Variants in TLR1 observed in about 807,000 individuals in gnomAD.
TLR1 encodes the protein toll-like receptor 1.
A neutral mutation model predicts 20.2 loss-of-function variants in TLR1; 19 were observed. The observed-to-expected ratio is 0.94, with a 90% confidence interval of 0.66 to 1.38. TLR1 has a LOEUF of 1.38. TLR1 is among the 40% of genes most tolerant of loss of function. TLR1 has a pLI of 0.00. For missense variants in TLR1, 921 were observed against 910.0 expected (o/e 1.01, Z -0.16); for synonymous variants, 320 against 334.5 (o/e 0.96, Z 0.47).
downstream of TLR1, among the ~76,000 whole-genome samples, chr4:38,787,991 T>A (rs558946976): frequency 6.6e-6 from 1 of 152,310 alleles, no homozygotes; most frequent in African/African-American, 2.4e-5. Context: ...CTGGGAATGG[T>A]CCTGTTGTAA....
At chr4:38,794,475 A>G (rs1015137828), downstream of TLR1, 3 of 152,150 alleles carry the variant, frequency 2.0e-5, no homozygotes, top group Non-Finnish European at 4.4e-5. Flanking sequence ...GTTGTTTTTC[A>G]TGAACCTCAC....
chr4:38,793,169 G>A (rs540038033), downstream of TLR1, among the ~76,000 whole-genome samples: 1 of 152,168 alleles, frequency 6.6e-6, no homozygotes, highest in Non-Finnish European at 1.5e-5. Context: ...TGGGTGGGGT[G>A]TGCTCCCTCT....
chr4:38,797,742 C>T lies in TLR1; in HGVS notation c.1090G>A (p.Val364Ile). 6.2e-7 allele frequency: 1 copy of T among 1,613,976 alleles called. No individual in the cohort carries two copies. Among genetic ancestry groups the T allele is most frequent in the East Asian group, 2.2e-5 (1 of 44,876 alleles). Residue 364 changes from valine (V) to isoleucine (I), a missense_variant, in exon 4 of 4, where the codon GTT becomes ATT. By Grantham distance (29) the Val-to-Ile change is conservative (BLOSUM62 3). Coordinates refer to ENST00000308979, the MANE Select transcript of TLR1 (RefSeq NM_003263.4). ...GTAAGGTGCCCACAATTTTCAAAAACCGTGTCTGTTAAGAGATTATTGGAA... is the reference window on the plus strand; with the variant it reads ...GTAAGGTGCCCACAATTTTCAAAAATCGTGTCTGTTAAGAGATTATTGGAA... ...DFSNNLLTDT[V>I]FENCGHLTEL...
Position 38,797,470 on chromosome 4 carries a change from G to A in TLR1, c.1362C>T (p.Ser454=). The stretch of plus-strand genomic sequence containing the variant: ...GTTTAGGAATGCTCTTTATTTTATT[G>A]CTGTGAAGATCAAGTACCTTGATCC... ...PPRIKVLDLH[S]NKIKSIPKQV... Residue 454 remains serine (S), a synonymous_variant, in exon 4 of 4, where the codon AGC becomes AGT. Coordinates refer to ENST00000308979, the MANE Select transcript of TLR1 (RefSeq NM_003263.4). 6.2e-7 allele frequency: 1 copy of A among 1,614,174 alleles called. No homozygotes were observed. The highest frequency in any genetic ancestry group is 8.5e-7 in the Non-Finnish European group (1 of 1,180,030).
rs1272456763 is a variant in TLR1 at position 38,798,810 on chromosome 4, C to T, written c.22G>A (p.Ala8Thr). Residue 8 changes from alanine (A) to threonine (T), a missense_variant, in exon 4 of 4, where the codon GCC (alanine) becomes ACC (threonine). Physicochemically the swap from Ala to Thr is moderately conservative, Grantham distance 58 (BLOSUM62 0). Transcript: ENST00000308979. MTSIFHF[A>T]IIFMLILQIR... is the part of the protein sequence containing the mutation. Reference sequence around the variant, plus strand: ...TGAAGTATTAACATGAAGATAATGGCAAAATGGAAGATGCTAGTCATTTTG... The same window carrying T: ...TGAAGTATTAACATGAAGATAATGGTAAAATGGAAGATGCTAGTCATTTTG... 8 of 1,596,862 alleles carry T rather than the reference C, an allele frequency of 5.0e-6. No homozygotes were observed. Among genetic ancestry groups the T allele is most frequent in the Admixed American group, 1.7e-5 (1 of 57,892 alleles).
At chr4:38,792,853 T>TTTTATATATATATATATATATATATATA (rs150259151), downstream of TLR1, among the ~76,000 whole-genome samples, 275 of 122,162 alleles carry the variant, frequency 2.3e-3, 5 homozygotes, top group African/African-American at 7.2e-3. Flanking sequence ...TATTTTCAAA[T>TTTTATATATATATATATATATATATATA]TATATATATA....
At chr4:38,790,442 T>C (rs971519623), downstream of TLR1, among the ~76,000 whole-genome samples, 4 of 152,250 alleles carry the variant, frequency 2.6e-5, no homozygotes, top group African/African-American at 9.6e-5. Flanking sequence ...GAGAGATGCA[T>C]GGTTATTCTG....
chr4:38,796,039 A>C (rs1384178058), downstream of TLR1, among the ~76,000 whole-genome samples: 1 of 152,212 alleles, frequency 6.6e-6, no homozygotes, highest in African/African-American at 2.4e-5. Context: ...ACGAGCAGCC[A>C]TCAATAAGTT....
chr4:38,794,114 C>A (rs905539970), downstream of TLR1, among the ~76,000 whole-genome samples: 2 of 152,114 alleles, frequency 1.3e-5, no homozygotes, highest in Non-Finnish European at 2.9e-5. Context: ...GTTTAGGCCA[C>A]CCAGCTTGTT....
At chr4:38,804,151 T>C (rs1726866106) in intron 2 of TLR1, among the ~76,000 whole-genome samples, 155 bp downstream of exon 2, 1 of 152,240 alleles carries the variant, frequency 6.6e-6, no homozygotes, top group South Asian at 2.1e-4. Context: ...ACAAATTCAC[T>C]TTCAAGTCTT....
At chr4:38,801,792 C>T (rs1051821807) in intron 2 of TLR1, among the ~76,000 whole-genome samples, 1 of 152,196 alleles carries the variant, frequency 6.6e-6, no homozygotes, top group African/African-American at 2.4e-5. Context: ...ATATAACTGC[C>T]TGCCCCCAAG....
Position 38,803,690 on chromosome 4 carries a change from A to G in TLR1, c.-160+616T>C, listed in dbSNP as rs56344929. The stretch of plus-strand genomic sequence containing the variant: ...GAAAATCAATGTCTCAGTTTCCTAG[A>G]CCAAAGAATTTTTTGATCAACGTCT... On this transcript the variant is annotated intron_variant, in intron 2 of 3. Transcript: ENST00000308979. 2.0e-5 allele frequency among the ~76,000 whole-genome samples: 3 copies of G among 152,336 alleles called. No homozygotes were observed. The South Asian group carries it at 6.2e-4, about 32-fold the overall frequency.
At position 38,796,604 on chromosome 4, in the gene TLR1, T is replaced by C. The variant is rs771828972; in HGVS notation, c.2228A>G (p.Tyr743Cys). Residue 743 changes from tyrosine to cysteine, a missense_variant, in exon 4 of 4, where the codon TAT becomes TGT. Transcript: ENST00000308979. ...PIPQYSIPSS[Y>C]HKLKSLMARR... ...GGCCATGAGACTTTTGAGCTTGTGA[T>C]AACTGCTAGGAATGGAGTACTGCGG... 6 of 1,614,088 alleles carry C rather than the reference T, an allele frequency of 3.7e-6. No homozygotes were observed. The highest frequency in any genetic ancestry group is 5.1e-6 in the Non-Finnish European group (6 of 1,180,044).
downstream of TLR1, among the ~76,000 whole-genome samples, chr4:38,787,937 C>T (rs1725638870): frequency 1.3e-5 from 2 of 152,186 alleles, no homozygotes; most frequent in Admixed American, 1.3e-4. Context: ...TGTGCTACCC[C>T]TGACTCCCGC....
rs1200522414 is a variant in TLR1 at position 38,798,015 on chromosome 4, C to G, written c.817G>C (p.Val273Leu). The change falls in exon 4 of 4, where the codon GTA (valine) becomes CTA (leucine). Residue 273 changes from valine (V) to leucine (L), a missense_variant. Coordinates refer to ENST00000308979, the MANE Select transcript of TLR1 (RefSeq NM_003263.4). ...ACGTTTGAAATTGAGAAATACCATA[C>G]AGTTGTATGCCAAACCAGCTGGAGG... ...RILQLVWHTT[V>L]WYFSISNVKL... 6.2e-7 allele frequency: 1 copy of G among 1,614,140 alleles called. No individual in the cohort carries two copies. Among genetic ancestry groups the G allele is most frequent in the South Asian group, 1.1e-5 (1 of 91,086 alleles).
chr4:38,792,406 A>G (rs985823651), downstream of TLR1, among the ~76,000 whole-genome samples: 7 of 152,312 alleles, frequency 4.6e-5, no homozygotes, highest in South Asian at 1.0e-3. Flanking sequence ...TTTTCTATGC[A>G]TATTTTAACC....
downstream of TLR1, among the ~76,000 whole-genome samples, chr4:38,795,675 G>A (rs1423446218): frequency 6.6e-6 from 1 of 152,102 alleles, no homozygotes; most frequent in African/African-American, 2.4e-5. Flanking sequence ...AATATTCAGT[G>A]GCAAGTAGTT....
At chr4:38,790,059 T>C (rs990994586), downstream of TLR1, among the ~76,000 whole-genome samples, 20 of 152,340 alleles carry the variant, frequency 1.3e-4, no homozygotes, top group African/African-American at 4.8e-4. Context: ...ATCTATCAAA[T>C]AAACAATCAC....
chr4:38,801,585 T>C (rs1260096055), intron 2 of TLR1, among the ~76,000 whole-genome samples: 2 of 152,206 alleles, frequency 1.3e-5, no homozygotes, highest in African/African-American at 4.8e-5. Flanking sequence ...ATCAAGGCTC[T>C]TTCCACCTCC....
Sources: gnomAD v4.1 joint callset for allele counts (sites outside exome capture counted in the v4.1 genomes callset) on GRCh38, gnomAD v4.1.1 for gene constraint, MANE v1.5 for transcripts, NCBI Gene and HGNC (gene_info 2026-07-23, HGNC 2026-07-21) for gene names.